Variants in STAM2 observed in about 807,000 individuals in gnomAD.
STAM2 encodes signal transducing adaptor molecule 2.
A neutral mutation model predicts 65.6 loss-of-function variants in STAM2; 51 were observed. The observed-to-expected ratio is 0.78, with a 90% CI of 0.62 to 0.98. The LOEUF (loss-of-function observed/expected upper bound fraction) is 0.98, where lower values mean the gene tolerates loss of function less well. Ranked by LOEUF, STAM2 falls within the 50% of genes least tolerant of loss-of-function variation. The pLI is 0.00. For missense variants in STAM2, 584 were observed against 617.8 expected, an observed-to-expected ratio of 0.95 and a Z score of 0.58; for synonymous variants, 198 against 208.4, an observed-to-expected ratio of 0.95 and a Z score of 0.43.
chr2:152,160,469 G>C (rs1689645039), intron 1 of STAM2, among the ~76,000 whole-genome samples: 1 of 151,792 alleles, frequency 6.6e-6, no homozygotes, highest in South Asian at 2.1e-4. Context: ...CCCCGTCTGA[G>C]AAGTGAGGAG....
At position 152,133,250 on chromosome 2, in the gene STAM2, T is replaced by C. The variant is rs759128990; in HGVS notation, c.893A>G (p.Asp298Gly). 4 of 1,608,654 alleles carry C rather than the reference T, an allele frequency of 2.5e-6. No individual in the cohort carries two copies. Among genetic ancestry groups the C allele is most frequent in the South Asian group, 1.1e-5 (1 of 89,914 alleles). Residue 298 changes from aspartate (D) to glycine (G), a missense_variant, in exon 10 of 14, where the codon GAT becomes GGT. Coordinates refer to ENST00000263904, the MANE Select transcript of STAM2 (RefSeq NM_005843.6). ...EPVYIDEDKM[D>G]RALQVLQSID... ...ACTCTGAAGTACCTGCAGGGCTCTA[T>C]CCATCTTATCCTAAAAAAGTAACAG...
At chr2:152,140,487 G>A (rs1301068285) in intron 7 of STAM2, among the ~76,000 whole-genome samples, 1 of 152,196 alleles carries the variant, frequency 6.6e-6, no homozygotes, top group African/African-American at 2.4e-5. Flanking sequence ...GACAATGACT[G>A]AAGGTAGTGA....
At chr2:152,166,036 C>T (rs1444394721) in intron 1 of STAM2, among the ~76,000 whole-genome samples, 1 of 152,102 alleles carries the variant, frequency 6.6e-6, no homozygotes, top group Non-Finnish European at 1.5e-5. Flanking sequence ...AACTCTGTCT[C>T]TACTGAAAAT....
At chr2:152,123,395 G>C (rs1688897959) in intron 13 of STAM2, among the ~76,000 whole-genome samples, 1 of 151,988 alleles carries the variant, frequency 6.6e-6, no homozygotes, top group Admixed American at 6.6e-5. Context: ...AAAAAAACCT[G>C]AACTACAAAT....
intron 11 of STAM2, among the ~76,000 whole-genome samples, chr2:152,127,762 A>G (rs1579311937): frequency 6.6e-6 from 1 of 152,218 alleles, no homozygotes; most frequent in Non-Finnish European, 1.5e-5. Flanking sequence ...AGCATCTTCA[A>G]ATTTGCCCAA....
intron 7 of STAM2, among the ~76,000 whole-genome samples, chr2:152,140,175 G>A (rs557413377): frequency 1.4e-3 from 213 of 152,296 alleles, no homozygotes; most frequent in South Asian, 8.5e-3. Context: ...CTAAAAAGCA[G>A]AGAAAGGTTG....
chr2:152,150,052 T>TA, intron 2 of STAM2, 93 bp downstream of exon 2: 1 of 839,094 alleles, frequency 1.2e-6, no homozygotes, highest in Non-Finnish European at 2.0e-6. Context: ...TCAACTGTGA[T>TA]AAAGTCTCAT....
chr2:152,154,378 A>C (rs1225317195), intron 1 of STAM2, among the ~76,000 whole-genome samples: 1 of 152,204 alleles, frequency 6.6e-6, no homozygotes, highest in Non-Finnish European at 1.5e-5. Flanking sequence ...AGCACTTGAG[A>C]GGCCAAGGTG....
chr2:152,170,829 C>G (rs960553261), intron 1 of STAM2, among the ~76,000 whole-genome samples: 1 of 152,144 alleles, frequency 6.6e-6, no homozygotes, highest in Non-Finnish European at 1.5e-5. Flanking sequence ...AATCCCATCT[C>G]TGCTAAAAAA....
chr2:152,152,604 G>A (rs971350009), intron 1 of STAM2, among the ~76,000 whole-genome samples: 12 of 152,050 alleles, frequency 7.9e-5, no homozygotes, highest in South Asian at 2.1e-4. Flanking sequence ...GCACTGATGC[G>A]ATGAACATTC....
At chr2:152,138,664 G>A (rs1489457451) in intron 7 of STAM2, among the ~76,000 whole-genome samples, 3 of 152,166 alleles carry the variant, frequency 2.0e-5, no homozygotes, top group Non-Finnish European at 2.9e-5. Context: ...AGAAAGAGAC[G>A]AAAGAGTTAT....
intron 1 of STAM2, among the ~76,000 whole-genome samples, chr2:152,159,414 T>C (rs934514228): frequency 6.6e-6 from 1 of 152,110 alleles, no homozygotes; most frequent in Non-Finnish European, 1.5e-5. Context: ...GAAACCACAA[T>C]GATAGCTTTT....
chr2:152,119,546 GTA>G lies in STAM2; in HGVS notation c.*1026_*1027del, dbSNP rs1425805948. On this transcript the variant is annotated 3_prime_UTR_variant, in exon 14 of 14. Transcript: ENST00000263904. ...AAAACACACTTATCATCCATGCTTG[GTA>G]TATCTCACAACAAATTATTAGGAAT... 1 of 152,048 alleles carries G rather than the reference GTA, an allele frequency of 6.6e-6. No individual in the cohort carries two copies. The highest frequency in any genetic ancestry group is 1.5e-5 in the Non-Finnish European group (1 of 68,002). 9.4% of individuals were successfully genotyped at this position (152,048 alleles called of 1,614,324 possible).
chr2:152,153,686 G>C (rs1689487314), intron 1 of STAM2, among the ~76,000 whole-genome samples: 1 of 152,078 alleles, frequency 6.6e-6, no homozygotes, highest in Non-Finnish European at 1.5e-5. Context: ...TTCTTCCCTT[G>C]TGCCAAAAAG....
intron 1 of STAM2, among the ~76,000 whole-genome samples, chr2:152,172,104 C>G (rs1228832068): frequency 6.6e-6 from 1 of 152,194 alleles, no homozygotes; most frequent in African/African-American, 2.4e-5. Context: ...ACACTTGAGG[C>G]CCAGCTGGGG....
chr2:152,131,133 A>T (rs1407732020), intron 11 of STAM2, among the ~76,000 whole-genome samples: 1 of 152,184 alleles, frequency 6.6e-6, no homozygotes, highest in East Asian at 1.9e-4. Context: ...TTTCATTTAA[A>T]ATTTTTATAA....
chr2:152,171,165 A>C (rs1263977093), intron 1 of STAM2, among the ~76,000 whole-genome samples: 3 of 152,246 alleles, frequency 2.0e-5, no homozygotes, highest in Non-Finnish European at 4.4e-5. Context: ...GAAAGGAGGA[A>C]GAATGGGATC....
chr2:152,137,422 C>A (rs926277638), intron 7 of STAM2, among the ~76,000 whole-genome samples: 1 of 152,194 alleles, frequency 6.6e-6, no homozygotes, highest in African/African-American at 2.4e-5. Context: ...TTTCTGTAAA[C>A]TGCCTTTTTT....
chr2:152,133,425 GCT>G lies in STAM2; in HGVS notation c.857_858del (p.Glu286AlafsTer2), dbSNP rs748666691. 3 of 1,612,440 alleles carry G rather than the reference GCT, an allele frequency of 1.9e-6. No homozygotes were observed. Among genetic ancestry groups the G allele is most frequent in the Non-Finnish European group, 2.5e-6 (3 of 1,179,100 alleles). ...DDDVEEIKKS[E>X]PEPVYIDEDK... ...ACCTCATCTATATAAACAGGCTCAG[GCT>G]CTGATTTCTTAATTTCCTCCACATC... On this transcript the variant is annotated frameshift_variant, in exon 9 of 14. Transcript: ENST00000263904. LOFTEE classifies it high-confidence loss of function.
Sources: gnomAD v4.1 joint callset for allele counts (sites outside exome capture counted in the v4.1 genomes callset) on GRCh38, gnomAD v4.1.1 for gene constraint, MANE v1.5 for transcripts, NCBI Gene and HGNC (gene_info 2026-07-23, HGNC 2026-07-21) for gene names.